ASS1: variants seen among roughly 807,000 people sequenced by gnomAD.
ASS1 encodes the protein argininosuccinate synthase 1.
A neutral mutation model predicts 60.5 loss-of-function variants in ASS1; 58 were observed. The ratio of observed to expected loss-of-function variants is 0.96; its 90% CI spans 0.78 to 1.19. The LOEUF (loss-of-function observed/expected upper bound fraction) is 1.19, where lower values mean the gene tolerates loss of function less well. Among genes scored for constraint, ASS1 ranks in the 50% most tolerant of loss-of-function variants. The probability of loss-of-function intolerance (pLI) is 0.00; values close to 1 mark genes in which losing one functional copy is unlikely to be tolerated. For missense variants in ASS1, 454 were observed against 547.3 expected, an observed-to-expected ratio of 0.83 and a Z score of 1.70; for synonymous variants, 200 against 206.9, an observed-to-expected ratio of 0.97 and a Z score of 0.29.
In ASS1 at chr9:130,466,698, G is replaced by A. The variant is rs373846472; in HGVS notation, c.421-27G>A. The A allele has an allele frequency of 3.0e-5, 48 of 1,610,898 alleles. 1 individual carries two copies. The highest frequency in any genetic ancestry group is 6.6e-5 in the South Asian group (6 of 91,022). On this transcript the variant is annotated intron_variant, in intron 5 of 14. Transcript: ENST00000352480. ...GGGAAGCCCACAGCTCGGCCCTCCC[G>A]GCTCTGACCCCTTGTCCTATGTCCA... is the stretch of plus-strand genomic sequence containing the variant.
intron 1 of ASS1, among the ~76,000 whole-genome samples, chr9:130,447,960 C>T (rs1183851508): frequency 6.6e-6 from 1 of 151,888 alleles, no homozygotes; most frequent in Non-Finnish European, 1.5e-5. Context: ...GCTGTTTGCA[C>T]CCCTATTTTG....
intron 1 of ASS1, among the ~76,000 whole-genome samples, chr9:130,448,218 C>T (rs552010324): frequency 5.3e-5 from 8 of 152,056 alleles, no homozygotes. Context: ...AGGGCAGGAG[C>T]AACGCTGCTG....
chr9:130,481,495 G>A (rs927763709), intron 11 of ASS1, among the ~76,000 whole-genome samples: 69 of 152,182 alleles, frequency 4.5e-4, no homozygotes, highest in African/African-American at 1.6e-3. Context: ...TTTTTACTAA[G>A]ATTCTAAAAT....
At chr9:130,456,477 CA>C (rs1845453466) in intron 3 of ASS1, among the ~76,000 whole-genome samples, 1 of 152,232 alleles carries the variant, frequency 6.6e-6, no homozygotes, top group Non-Finnish European at 1.5e-5. Context: ...AAAAACCAAC[CA>C]ACCAACCAAA....
chr9:130,484,007 C>T (rs1474800462), intron 11 of ASS1, among the ~76,000 whole-genome samples: 1 of 152,052 alleles, frequency 6.6e-6, no homozygotes, highest in African/African-American at 2.4e-5. Context: ...ACCTGTGAAG[C>T]AAAAAGGTTT....
At chr9:130,481,792 G>A (rs538121254) in intron 11 of ASS1, among the ~76,000 whole-genome samples, 16 of 152,292 alleles carry the variant, frequency 1.1e-4, no homozygotes, top group Non-Finnish European at 8.8e-5. Flanking sequence ...AGGCAGGCTC[G>A]CCTCTTTCTT....
Position 130,478,921 on chromosome 9 carries a change from C to T in ASS1, c.689-795C>T, listed in dbSNP as rs929635912. On this transcript the variant is annotated intron_variant, in intron 9 of 14. Transcript: ENST00000352480. The surrounding 1 kb of genome is among the most constrained non-coding windows in gnomAD (Gnocchi z 4.7). ...CCGCTATTGAGGCCTGATTGGCACC[C>T]GATGGCTCGCTCCATGGTAATGAGC... Among the ~76,000 whole-genome samples the T allele has an allele frequency of 4.6e-5, 7 of 152,210 alleles. No homozygotes were observed. Among genetic ancestry groups the T allele is most frequent in the Non-Finnish European group, 8.8e-5 (6 of 68,040 alleles).
intron 5 of ASS1, among the ~76,000 whole-genome samples, chr9:130,465,383 C>T (rs960262585): frequency 3.3e-5 from 5 of 152,152 alleles, no homozygotes; most frequent in East Asian, 1.9e-4. Flanking sequence ...CATGTTTTAC[C>T]GAAACCGATA....
At chr9:130,464,203 A>G (rs901536975) in intron 5 of ASS1, 36 bp downstream of exon 5, 2 of 1,599,558 alleles carry the variant, frequency 1.3e-6, no homozygotes, top group Non-Finnish European at 1.7e-6. Context: ...AGGGAGCACT[A>G]GCATCTGCAG....
chr9:130,448,420 G>A (rs1324480343), intron 1 of ASS1, among the ~76,000 whole-genome samples: 3 of 66,184 alleles, frequency 4.5e-5, no homozygotes, highest in South Asian at 5.1e-4. Context: ...GTGTGTGCGC[G>A]CGCACACACA....
intron 1 of ASS1, chr9:130,451,975 A>T: frequency 1.5e-6 from 1 of 648,218 alleles, no homozygotes; most frequent in Non-Finnish European, 2.9e-6. Flanking sequence ...CTCCCCGACC[A>T]GCCTAGGACT....
intron 1 of ASS1, among the ~76,000 whole-genome samples, chr9:130,448,411 T>G (rs1845244153): frequency 1.7e-5 from 1 of 58,598 alleles, no homozygotes; most frequent in African/African-American, 5.9e-5. Flanking sequence ...TGCACACAGG[T>G]GTGTGCGCGC....
In ASS1 at chr9:130,489,057, C is replaced by T. The variant is rs1277279020; in HGVS notation, c.839-276C>T. On this transcript the variant is annotated intron_variant, in intron 11 of 14. Transcript: ENST00000352480. This position sits in a 1 kb window ranked among gnomAD's most constrained non-coding sequence, Gnocchi z 4.1. ...CATGGGGAGGGAGGGGTTGCTGCTC[C>T]GAAACCCTGTCATTTTCTAGCGTCT... 6.6e-6 allele frequency among the ~76,000 whole-genome samples: 1 copy of T among 152,066 alleles called. No individual in the cohort carries two copies.
In ASS1 at chr9:130,479,714, A is replaced by T. The variant is rs374586230; in HGVS notation, c.689-2A>T. ...GCCCACTGCCCTCTCTTCCCACCCTAGGGGTCCCTGTGAAGGTGACCAACG... is the reference window on the plus strand; with the variant it reads ...GCCCACTGCCCTCTCTTCCCACCCTTGGGGTCCCTGTGAAGGTGACCAACG... On this transcript the variant is annotated splice_acceptor_variant, in intron 9 of 14. Coordinates refer to ENST00000352480, the MANE Select transcript of ASS1 (RefSeq NM_054012.4). LOFTEE classifies it high-confidence loss of function. 3 of 1,612,938 alleles carry T rather than the reference A, an allele frequency of 1.9e-6. No individual in the cohort carries two copies. The African/African-American group carries it at 4.0e-5, about 22-fold the overall frequency.
At chr9:130,482,631 G>C (rs752765702) in intron 11 of ASS1, among the ~76,000 whole-genome samples, 3 of 152,180 alleles carry the variant, frequency 2.0e-5, no homozygotes, top group Non-Finnish European at 4.4e-5. Context: ...GAGGTGGTTA[G>C]TGATGAAAAC....
intron 12 of ASS1, among the ~76,000 whole-genome samples, chr9:130,490,893 T>G (rs1846432966): frequency 6.6e-6 from 1 of 152,200 alleles, no homozygotes; most frequent in African/African-American, 2.4e-5. Context: ...ATTAAACAGC[T>G]GCCCTGAGCT....
At chr9:130,500,889 C>A in intron 14 of ASS1, 87 bp from the exon 15 acceptor site, 4 of 1,445,332 alleles carry the variant, frequency 2.8e-6, no homozygotes, top group Non-Finnish European at 2.9e-6. Flanking sequence ...CTGCCCCAGC[C>A]ACCCCAGCTC....
chr9:130,471,603 A>T, intron 8 of ASS1, 88 bp downstream of exon 8: 1 of 1,499,724 alleles, frequency 6.7e-7, no homozygotes, highest in South Asian at 1.1e-5. Flanking sequence ...TTTATAGCCT[A>T]ATTTGAAATT....
chr9:130,485,860 T>C (rs1371560297), intron 11 of ASS1, among the ~76,000 whole-genome samples: 1 of 152,238 alleles, frequency 6.6e-6, no homozygotes, highest in Admixed American at 6.5e-5. Flanking sequence ...TTTATCGTTA[T>C]ATCTGCCATT....
Sources: allele counts gnomAD v4.1 joint callset (sites outside exome capture counted in the v4.1 genomes callset), GRCh38; gene constraint gnomAD v4.1.1; non-coding constraint Gnocchi (gnomAD v3.1); transcripts MANE v1.5; gene names NCBI Gene and HGNC (gene_info 2026-07-23, HGNC 2026-07-21).